LRGUK: variants seen among roughly 807,000 people sequenced by gnomAD.
The protein encoded by LRGUK is leucine rich repeats and guanylate kinase domain containing, also known as leucine-rich repeat and guanylate kinase domain-containing protein.
A neutral mutation model predicts 76.0 loss-of-function variants in LRGUK; 65 were observed. The ratio of observed to expected loss-of-function variants is 0.85; its 90% CI spans 0.70 to 1.05. The LOEUF (loss-of-function observed/expected upper bound fraction) is 1.05, where lower values mean the gene tolerates loss of function less well. LRGUK is among the 50% of genes least tolerant of loss of function. The pLI is 0.00. For missense variants in LRGUK, 758 were observed against 732.8 expected, an observed-to-expected ratio of 1.03 and a Z score of -0.40; for synonymous variants, 268 against 265.6, an observed-to-expected ratio of 1.01 and a Z score of -0.09.
At chr7:134,258,492 G>A (rs1802640958) in intron 19 of LRGUK, 87 bp downstream of exon 19, 4 of 1,307,728 alleles carry the variant, frequency 3.1e-6, no homozygotes, top group Non-Finnish European at 4.2e-6. Context: ...GACGTCAGGA[G>A]TTCGAGACCA....
chr7:134,269,926 G>T, the LRGUK span, among the ~76,000 whole-genome samples: 1 of 152,096 alleles, frequency 6.6e-6, no homozygotes, highest in Non-Finnish European at 1.5e-5. Flanking sequence ...AAAAGTCTAG[G>T]AATACAGGGG....
At chr7:134,259,768 G>A (rs182259411) in intron 19 of LRGUK, among the ~76,000 whole-genome samples, 2 of 152,208 alleles carry the variant, frequency 1.3e-5, no homozygotes, top group African/African-American at 4.8e-5. Context: ...ATGTCAGCTC[G>A]CAGGAAGTGG....
intron 11 of LRGUK, among the ~76,000 whole-genome samples, chr7:134,187,765 A>G (rs1442854183): frequency 6.6e-6 from 1 of 152,232 alleles, no homozygotes; most frequent in Non-Finnish European, 1.5e-5. Context: ...ACCCAAAACA[A>G]TATCAGCATG....
intron 16 of LRGUK, among the ~76,000 whole-genome samples, chr7:134,239,388 C>T (rs988817750): frequency 2.0e-5 from 3 of 152,212 alleles, no homozygotes; most frequent in African/African-American, 7.2e-5. Flanking sequence ...GCAAATGGCA[C>T]ACCAGGAGAT....
At chr7:134,203,590 T>G (rs896655220) in intron 15 of LRGUK, among the ~76,000 whole-genome samples, 9 of 152,178 alleles carry the variant, frequency 5.9e-5, no homozygotes, top group African/African-American at 2.2e-4. Context: ...TCTCCATATG[T>G]CTTATAGGAG....
At chr7:134,255,283 C>T (rs919036439) in intron 18 of LRGUK, among the ~76,000 whole-genome samples, 5 of 151,300 alleles carry the variant, frequency 3.3e-5, no homozygotes, top group African/African-American at 4.9e-5. Flanking sequence ...AACTACTACC[C>T]GGCGAGAAAA....
intron 4 of LRGUK, among the ~76,000 whole-genome samples, chr7:134,143,933 G>T (rs919785253): frequency 6.6e-6 from 1 of 152,172 alleles, no homozygotes; most frequent in East Asian, 1.9e-4. Context: ...TGGTCCATCG[G>T]TCATACTTAA....
intron 16 of LRGUK, among the ~76,000 whole-genome samples, chr7:134,241,799 T>G (rs1032258392): frequency 5.9e-5 from 9 of 152,290 alleles, no homozygotes; most frequent in African/African-American, 2.2e-4. Context: ...GAACACATAG[T>G]TGGAAGTAAA....
exon 4 of LRGUK, chr7:134,143,074 T>C: frequency 6.3e-7 from 1 of 1,585,266 alleles, no homozygotes; most frequent in Non-Finnish European, 8.7e-7. Flanking sequence ...TTATCTTGTG[T>C]GAGTTGTATG....
chr7:134,159,687 G>A (rs888749269), intron 6 of LRGUK, among the ~76,000 whole-genome samples: 1 of 152,202 alleles, frequency 6.6e-6, no homozygotes, highest in Non-Finnish European at 1.5e-5. Context: ...TACTCGGGAG[G>A]CTGAGGCAGG....
intron 5 of LRGUK, among the ~76,000 whole-genome samples, chr7:134,157,725 G>T (rs530549650): frequency 6.6e-6 from 1 of 152,068 alleles, no homozygotes; most frequent in Admixed American, 6.5e-5. Context: ...GGGTTTCACC[G>T]TGTTAGCCAG....
intron 16 of LRGUK, among the ~76,000 whole-genome samples, chr7:134,246,854 G>A (rs913207914): frequency 6.6e-6 from 1 of 152,134 alleles, no homozygotes; most frequent in Non-Finnish European, 1.5e-5. Flanking sequence ...TATGTATTAG[G>A]TTTGCTTTAA....
intron 7 of LRGUK, among the ~76,000 whole-genome samples, chr7:134,163,883 A>T (rs1798863070): frequency 6.6e-6 from 1 of 152,154 alleles, no homozygotes; most frequent in Non-Finnish European, 1.5e-5. Flanking sequence ...AGGAGGTTGG[A>T]GATATAAGAA....
At chr7:134,222,849 C>T (rs1016721505) in intron 16 of LRGUK, among the ~76,000 whole-genome samples, 2 of 152,068 alleles carry the variant, frequency 1.3e-5, no homozygotes, top group Non-Finnish European at 2.9e-5. Context: ...CTGCTTGCCT[C>T]GGCCTCCCAA....
chr7:134,151,182 T>A (rs781545519), intron 5 of LRGUK, among the ~76,000 whole-genome samples: 5 of 152,126 alleles, frequency 3.3e-5, no homozygotes, highest in Non-Finnish European at 7.4e-5. Flanking sequence ...TATATCTAGA[T>A]TATAAATTAA....
chr7:134,157,815 A>G (rs7785545), intron 5 of LRGUK, among the ~76,000 whole-genome samples: 19,603 of 152,040 alleles, frequency 0.13, 1,567 homozygotes, highest in East Asian at 0.32. Flanking sequence ...GAGCCACCGC[A>G]CCCAGCCACT....
At chr7:134,177,413 A>G (rs569892954) in intron 9 of LRGUK, among the ~76,000 whole-genome samples, 1 of 152,306 alleles carries the variant, frequency 6.6e-6, no homozygotes, top group South Asian at 2.1e-4. Flanking sequence ...TATCTGTGTT[A>G]CCTGAAAAAT....
intron 11 of LRGUK, 119 bp from the exon 12 acceptor site, chr7:134,191,532 ATTAC>A: frequency 1.4e-6 from 1 of 705,822 alleles, no homozygotes; most frequent in Non-Finnish European, 2.5e-6. Flanking sequence ...TTACAACTGT[ATTAC>A]TTTATGATTT....
rs755741483 is a variant in LRGUK at position 134,221,924 on chromosome 7, A to C, written c.1983+6A>C. The C allele has an allele frequency of 7.1e-5, 113 of 1,587,250 alleles. No individual in the cohort carries two copies. Among genetic ancestry groups the C allele is most frequent in the South Asian group, 2.3e-4 (20 of 86,144 alleles). On this transcript the variant is annotated splice_donor_region_variant and intron_variant, in intron 16 of 19. Transcript: ENST00000285928. ...CAGCCAAAAAAACACCAGCGGTAAG[A>C]GAGGAATAGAAGGGGTGAAGCCACA...
Sources: gnomAD v4.1 joint callset for allele counts (sites outside exome capture counted in the v4.1 genomes callset) on GRCh38, gnomAD v4.1.1 for gene constraint, MANE v1.5 for transcripts, NCBI Gene and HGNC (gene_info 2026-07-23, HGNC 2026-07-21) for gene names.